Variants in CCDC14 observed in about 807,000 individuals in gnomAD.
CCDC14 encodes coiled-coil domain-containing protein 14.
A neutral mutation model predicts 81.4 loss-of-function variants in CCDC14; 71 were observed. That is an observed-to-expected ratio of 0.87 (90% CI 0.72 to 1.06). The LOEUF (loss-of-function observed/expected upper bound fraction) is 1.06, where lower values mean the gene tolerates loss of function less well. CCDC14 is among the 50% of genes least tolerant of loss of function. The pLI is 0.00. For missense variants in CCDC14, 1,046 were observed against 1,047.3 expected, an observed-to-expected ratio of 1.00 and a Z score of 0.02; for synonymous variants, 332 against 364.8, an observed-to-expected ratio of 0.91 and a Z score of 1.03.
chr3:123,955,993 T>C, intron 4 of CCDC14, 28 bp from the exon 5 acceptor site: 1 of 1,526,472 alleles, frequency 6.6e-7, no homozygotes, highest in Non-Finnish European at 8.8e-7. Flanking sequence ...ATTTGTTACA[T>C]CAAAATAATG....
At position 123,914,987 on chromosome 3, in the gene CCDC14, C is replaced by T. The variant is rs1397115210; in HGVS notation, c.2510G>A (p.Gly837Asp). The T allele has an allele frequency of 1.2e-6, 2 of 1,613,996 alleles. No individual in the cohort carries two copies. The change falls in exon 13 of 13, where the codon GGT becomes GAT. Residue 837 changes from glycine to aspartate, a missense_variant. By Grantham distance (94) the Gly-to-Asp change is moderately conservative. Transcript: ENST00000409697. ...CACTTGAAGGCTGTTGCTAAGACAA[C>T]CTGATGGGCCATGACATGCAGTTTG... Reference protein sequence around the residue: ...EEQTACHGPSGCLSNSLQVKG... With the variant: ...EEQTACHGPSDCLSNSLQVKG...
chr3:123,942,083 C>T (rs1368404504), intron 9 of CCDC14, among the ~76,000 whole-genome samples: 1 of 151,910 alleles, frequency 6.6e-6, no homozygotes, highest in Non-Finnish European at 1.5e-5. Flanking sequence ...TCTCTACTTC[C>T]TAACCGAGAC....
Position 123,948,931 on chromosome 3 carries a change from A to G in CCDC14, c.554T>C (p.Ile185Thr). ...GGGAGCATGGCATGGTACAGCAGGA[A>G]TTCCATTAGGGATGTTCTTTGAAGT... Reference protein sequence around the residue: ...DLTSKNIPNGIPAVPCHAPSH... With the variant: ...DLTSKNIPNGTPAVPCHAPSH... The change falls in exon 6 of 13, where the codon ATT becomes ACT. Residue 185 changes from isoleucine to threonine, a missense_variant. Physicochemically the swap from Ile to Thr is moderately conservative, Grantham distance 89. Coordinates refer to ENST00000409697, the MANE Select transcript of CCDC14 (RefSeq NM_001366335.1). 6.2e-7 allele frequency: 1 copy of G among 1,613,982 alleles called. No individual in the cohort carries two copies. Among genetic ancestry groups the G allele is most frequent in the Non-Finnish European group, 8.5e-7 (1 of 1,179,864 alleles).
intron 12 of CCDC14, among the ~76,000 whole-genome samples, chr3:123,919,998 T>TA (rs779035997): frequency 5.9e-5 from 9 of 151,870 alleles, no homozygotes; most frequent in Non-Finnish European, 8.8e-5. Flanking sequence ...AAAATATAGA[T>TA]AAAAAATTAA....
intron 12 of CCDC14, among the ~76,000 whole-genome samples, chr3:123,918,172 A>C (rs2034820065): frequency 6.6e-6 from 1 of 152,232 alleles, no homozygotes; most frequent in Non-Finnish European, 1.5e-5. Flanking sequence ...GTCAGTGGTG[A>C]TTATATCTCT....
intron 12 of CCDC14, among the ~76,000 whole-genome samples, chr3:123,928,423 G>A (rs1259164736): frequency 4.6e-5 from 7 of 151,432 alleles, no homozygotes; most frequent in African/African-American, 9.7e-5. Context: ...GGAGAATGGC[G>A]TGAACACAGG....
In CCDC14 at chr3:123,956,652, A is replaced by C. The variant is rs2037342338; in HGVS notation, c.86+88T>G. 5.6e-6 allele frequency: 6 copies of C among 1,076,238 alleles called. No homozygotes were observed. In the South Asian group the frequency reaches 8.9e-5, roughly 16 times the overall value. The allele number at this position is 1,076,238 out of a possible 1,614,324, so 66.7% of individuals were successfully genotyped here. A position where few individuals can be genotyped will look rare whatever the true frequency, so the allele number is the denominator to read the frequency against. On this transcript the variant is annotated intron_variant, in intron 2 of 12. Coordinates refer to ENST00000409697, the MANE Select transcript of CCDC14 (RefSeq NM_001366335.1). ...GCTTGTGATGGTAGAGGCCTACCTA[A>C]TTTTCTGGGGTAGACGACATGTCAT...
At chr3:123,927,928 T>G (rs938491424) in intron 12 of CCDC14, among the ~76,000 whole-genome samples, 1 of 152,166 alleles carries the variant, frequency 6.6e-6, no homozygotes, top group East Asian at 1.9e-4. Flanking sequence ...CCCTCAATAA[T>G]GGAGCATCTT....
At chr3:123,920,152 C>T (rs2034959324) in intron 12 of CCDC14, among the ~76,000 whole-genome samples, 1 of 151,972 alleles carries the variant, frequency 6.6e-6, no homozygotes, top group South Asian at 2.1e-4. Context: ...CAATAGTATA[C>T]TTGATCAAGC....
intron 12 of CCDC14, among the ~76,000 whole-genome samples, chr3:123,923,754 A>G (rs1054969488): frequency 6.6e-6 from 1 of 150,950 alleles, no homozygotes; most frequent in African/African-American, 2.4e-5. Context: ...TATTATTAGT[A>G]TATACTAAAA....
At chr3:123,919,443 C>T (rs943138527) in intron 12 of CCDC14, among the ~76,000 whole-genome samples, 6 of 152,140 alleles carry the variant, frequency 3.9e-5, no homozygotes, top group Admixed American at 1.3e-4. Flanking sequence ...AAGCCCAGCC[C>T]GCAACCCTGC....
intron 12 of CCDC14, among the ~76,000 whole-genome samples, chr3:123,926,489 C>T (rs961667236): frequency 2.0e-5 from 3 of 149,156 alleles, no homozygotes; most frequent in Non-Finnish European, 3.0e-5. Flanking sequence ...TGTAAGAATG[C>T]TCTTTGAAAC....
At chr3:123,920,139 C>T (rs2034958192) in intron 12 of CCDC14, among the ~76,000 whole-genome samples, 1 of 151,838 alleles carries the variant, frequency 6.6e-6, no homozygotes, top group Admixed American at 6.6e-5. Context: ...CAATCAAATA[C>T]TTCAATAGTA....
rs72962747 is a variant in CCDC14 at position 123,913,968 on chromosome 3, A to G, written c.*811T>C. On this transcript the variant is annotated 3_prime_UTR_variant, in exon 13 of 13. Coordinates refer to ENST00000409697, the MANE Select transcript of CCDC14 (RefSeq NM_001366335.1). ...ATTCTCAGCTAACATGCTGGGAGAA[A>G]AAATTCTTCCAAAAAGGCAGAATTA... The G allele has an allele frequency of 2.1e-3, 2,060 of 985,578 alleles. 26 individuals are homozygous for G. The African/African-American group carries it at 0.03, about 14-fold the overall frequency. The allele number at this position is 985,578 out of a possible 1,614,324, so 61.1% of individuals were successfully genotyped here.
chr3:123,950,476 A>G (rs1005521285), intron 5 of CCDC14, among the ~76,000 whole-genome samples: 1 of 152,226 alleles, frequency 6.6e-6, no homozygotes, highest in African/African-American at 2.4e-5. Context: ...GTACTGATAT[A>G]TACAACTACC....
At chr3:123,939,088 G>A (rs2036209469) in intron 9 of CCDC14, among the ~76,000 whole-genome samples, 1 of 151,734 alleles carries the variant, frequency 6.6e-6, no homozygotes. Flanking sequence ...GTTTTTTAAA[G>A]GAGTTCAAGG....
chr3:123,917,598 A>G (rs2034790629), intron 12 of CCDC14, among the ~76,000 whole-genome samples: 1 of 152,098 alleles, frequency 6.6e-6, no homozygotes, highest in African/African-American at 2.4e-5. Flanking sequence ...ACTAGCCAAT[A>G]AGCATGCTTT....
chr3:123,895,650 G>C (rs1355768111), downstream of CCDC14, among the ~76,000 whole-genome samples: 6 of 152,206 alleles, frequency 3.9e-5, no homozygotes, highest in African/African-American at 1.4e-4. Context: ...TAATTCTGAT[G>C]TGGGACCAGA....
At chr3:123,916,122 C>T (rs2034672357) in intron 12 of CCDC14, among the ~76,000 whole-genome samples, 1 of 151,832 alleles carries the variant, frequency 6.6e-6, no homozygotes, top group South Asian at 2.1e-4. Context: ...CCTCAGCCTC[C>T]CGAGTAGCTG....
Sources: allele counts gnomAD v4.1 joint callset (sites outside exome capture counted in the v4.1 genomes callset), GRCh38; gene constraint gnomAD v4.1.1; transcripts MANE v1.5; gene names NCBI Gene and HGNC (gene_info 2026-07-23, HGNC 2026-07-21).